The following ARHGAP17 variants were observed in gnomAD, a reference collection of about 807,000 sequenced individuals.
The protein encoded by ARHGAP17 is Rho GTPase activating protein 17.
ARHGAP17 carries 57 observed loss-of-function variants against 99.5 expected under a neutral mutation model. The observed-to-expected ratio is 0.57, with a 90% confidence interval of 0.46 to 0.71. ARHGAP17 has a LOEUF of 0.71. Among genes scored for constraint, ARHGAP17 ranks in the 30% least tolerant of loss-of-function variants. The pLI is 0.00. For missense variants in ARHGAP17, 1,000 were observed against 1,122.4 expected (o/e 0.89, Z 1.56); for synonymous variants, 417 against 429.6 (o/e 0.97, Z 0.36).
chr16:24,931,088 G>T lies in ARHGAP17; in HGVS notation c.2211C>A (p.Asn737Lys), dbSNP rs932756445. The T allele has an allele frequency of 6.2e-7, 1 of 1,606,502 alleles. No individual in the cohort carries two copies. Among genetic ancestry groups the T allele is most frequent in the Non-Finnish European group, 8.5e-7 (1 of 1,176,464 alleles). ...CATGCTCACTGGGCAATGCCATGGG[G>T]TTGGGAGGGCCCTGGCTATTGGGTT... ...HTKPNSQGPP[N>K]PMALPSEHGL... Residue 737 changes from asparagine to lysine, a missense_variant, in exon 19 of 20, where the codon AAC becomes AAA. By Grantham distance (94) the Asn-to-Lys change is moderately conservative. Around this residue, in one of 2 missense-constraint regions of ARHGAP17, gnomAD observed 528 missense variants for 511.4 expected, o/e 1.03. Coordinates refer to ENST00000289968, the MANE Select transcript of ARHGAP17 (RefSeq NM_001006634.3).
chr16:25,003,213 G>A, intron 1 of ARHGAP17, among the ~76,000 whole-genome samples: 1 of 144,900 alleles, frequency 6.9e-6, no homozygotes, highest in Non-Finnish European at 1.5e-5. Flanking sequence ...TAAAACAAGA[G>A]TATGCTAGCT....
intron 19 of ARHGAP17, among the ~76,000 whole-genome samples, chr16:24,929,886 A>C (rs1597360575): frequency 1.3e-5 from 2 of 152,200 alleles, no homozygotes; most frequent in African/African-American, 4.8e-5. Context: ...ATATGGTTGG[A>C]AAGCCCAGAG....
chr16:24,979,003 G>C lies in ARHGAP17; in HGVS notation c.56C>G (p.Ala19Gly). 1.9e-6 allele frequency: 3 copies of C among 1,584,582 alleles called. No homozygotes were observed. Among genetic ancestry groups the C allele is most frequent in the Non-Finnish European group, 2.6e-6 (3 of 1,168,392 alleles). Residue 19 changes from alanine to glycine, a missense_variant and splice_region_variant, in exon 2 of 20, where the codon GCT becomes GGT. Coordinates refer to ENST00000289968, the MANE Select transcript of ARHGAP17 (RefSeq NM_001006634.3). ...TTCACTAAGGACTTCTGTTTTCTCA[G>C]CTCTGTGGGAAAAATTAAAAATTCA... ...KQLANQTVGR[A>G]EKTEVLSEDL...
Position 24,931,172 on chromosome 16 carries a change from T to G in ARHGAP17, c.2127A>C (p.Gln709His). Residue 709 changes from glutamine to histidine, a missense_variant, in exon 19 of 20, where the codon CAA becomes CAC. Around this residue, in one of 2 missense-constraint regions of ARHGAP17, gnomAD observed 528 missense variants for 511.4 expected, o/e 1.03. Transcript: ENST00000289968. ...GCTGCGGCGGTGGGTGATTGGGAGC[T>G]TGGATTGGAGACAAGCTGCTGGAGT... Reference protein sequence around the residue: ...RRYSSSLSPIQAPNHPPPQPP... With the variant: ...RRYSSSLSPIHAPNHPPPQPP... 1.3e-6 allele frequency: 2 copies of G among 1,593,042 alleles called. No homozygotes were observed. Among genetic ancestry groups the G allele is most frequent in the Admixed American group, 3.5e-5 (2 of 57,668 alleles).
chr16:24,950,100 C>G (rs979001048), intron 12 of ARHGAP17, among the ~76,000 whole-genome samples: 1 of 152,114 alleles, frequency 6.6e-6, no homozygotes, highest in African/African-American at 2.4e-5. Context: ...GTTAAAGGGG[C>G]CTCTATAACA....
At chr16:24,941,733 G>A in intron 16 of ARHGAP17, 1 of 501,922 alleles carries the variant, frequency 2.0e-6, no homozygotes, top group African/African-American at 1.9e-5. Flanking sequence ...TCCACTGCAG[G>A]GCTTACCAAG....
rs181369624 is a variant in ARHGAP17 at position 24,928,295 on chromosome 16, T to G, written c.2515+2489A>C. ...GTTAATTCTGTAATACAAAGATAAC[T>G]CTGGTAACCTGGAATTTCTTGAGTT... On this transcript the variant is annotated intron_variant, in intron 19 of 19. Coordinates refer to ENST00000289968, the MANE Select transcript of ARHGAP17 (RefSeq NM_001006634.3). 3.2e-3 allele frequency among the ~76,000 whole-genome samples: 483 copies of G among 152,320 alleles called. 3 individuals carry two copies. The highest frequency in any genetic ancestry group is 0.011 in the African/African-American group (463 of 41,582).
chr16:24,930,862 G>C lies in ARHGAP17; in HGVS notation c.2437C>G (p.Pro813Ala), dbSNP rs142721491. 49 of 1,613,970 alleles carry C rather than the reference G, an allele frequency of 3.0e-5. No homozygotes were observed. Among genetic ancestry groups the C allele is most frequent in the African/African-American group, 5.3e-5 (4 of 74,892 alleles). Residue 813 changes from proline (P) to alanine (A), a missense_variant, in exon 19 of 20, where the codon CCC (proline) becomes GCC (alanine). By Grantham distance (27) the Pro-to-Ala change is conservative. Transcript: ENST00000289968. ...GCTGAGTGGACACCAGGAGGTTGGGGGGGTGGGGGCACGCTGGGCCGGTTC... is the reference window on the plus strand; with the variant it reads ...GCTGAGTGGACACCAGGAGGTTGGGCGGGTGGGGGCACGCTGGGCCGGTTC... Reference protein sequence around the residue: ...PRNRPSVPPPPQPPGVHSAGD... With the variant: ...PRNRPSVPPPAQPPGVHSAGD...
rs1459483595 is a variant in ARHGAP17, at chr16:24,931,243, G to T, written c.2056C>A (p.Pro686Thr). The T allele has an allele frequency of 1.9e-6, 3 of 1,545,516 alleles. No homozygotes were observed. The South Asian group carries it at 3.7e-5, about 19-fold the overall frequency. ...SPPTQHTGQP[P>T]GQPSAPSQLS... ...TGGGAGGGGGCGGAGGGCTGGCCTG[G>T]AGGCTGGCCCGTGTGCTGGGTGGGA... The change falls in exon 19 of 20, where the codon CCA (proline) becomes ACA (threonine). Residue 686 changes from proline (P) to threonine (T), a missense_variant. By Grantham distance (38) the Pro-to-Thr change is conservative (BLOSUM62 -1). Around this residue, in one of 2 missense-constraint regions of ARHGAP17, gnomAD observed 528 missense variants for 511.4 expected, o/e 1.03. Transcript: ENST00000289968.
intron 14 of ARHGAP17, among the ~76,000 whole-genome samples, chr16:24,947,249 G>A (rs1047795091): frequency 1.1e-4 from 16 of 151,406 alleles, no homozygotes; most frequent in African/African-American, 3.9e-4. Context: ...GACTGCCTAA[G>A]AGCAGGGGCA....
Position 24,964,479 on chromosome 16 carries a change from G to T in ARHGAP17, c.462-171C>A, listed in dbSNP as rs2052112557. The stretch of plus-strand genomic sequence containing the variant: ...GCTTATTCTCTAAGAATGGAAGCAG[G>T]CAAAAGGAGACTTTAGCTTCTCACC... On this transcript the variant is annotated intron_variant, in intron 6 of 19. Transcript: ENST00000289968. 2.0e-5 allele frequency among the ~76,000 whole-genome samples: 3 copies of T among 152,340 alleles called. No individual in the cohort carries two copies. In the South Asian group the frequency reaches 6.2e-4, roughly 32 times the overall value.
chr16:24,935,702 G>T, intron 17 of ARHGAP17, 63 bp from the exon 18 acceptor site: 1 of 1,529,144 alleles, frequency 6.5e-7, no homozygotes. Context: ...TGAACATACT[G>T]CACATAAAAC....
intron 17 of ARHGAP17, among the ~76,000 whole-genome samples, chr16:24,937,791 G>C (rs1477735936): frequency 6.6e-6 from 1 of 152,262 alleles, no homozygotes; most frequent in Non-Finnish European, 1.5e-5. Context: ...TGAGAAAGGA[G>C]TTCTTTCAAG....
At chr16:25,013,139 T>C (rs1327914979) in intron 1 of ARHGAP17, among the ~76,000 whole-genome samples, 1 of 152,184 alleles carries the variant, frequency 6.6e-6, no homozygotes, top group Non-Finnish European at 1.5e-5. Flanking sequence ...GCATCCAATC[T>C]ATGCTGTAGC....
At chr16:24,926,700 G>C (rs748383233) in intron 19 of ARHGAP17, among the ~76,000 whole-genome samples, 1 of 152,264 alleles carries the variant, frequency 6.6e-6, no homozygotes, top group Non-Finnish European at 1.5e-5. Flanking sequence ...CTGTGGTACA[G>C]TGGACTAACG....
At chr16:24,938,765 C>T (rs72770488) in intron 17 of ARHGAP17, among the ~76,000 whole-genome samples, 9,093 of 137,394 alleles carry the variant, frequency 0.066, 352 homozygotes, top group Middle Eastern at 0.15. Context: ...GAGCAAGACG[C>T]AGTCTCAGAA....
In ARHGAP17 at chr16:24,935,571, G is replaced by A. The variant is rs762917087; in HGVS notation, c.1793C>T (p.Ala598Val). 11 of 1,614,018 alleles carry A rather than the reference G, an allele frequency of 6.8e-6. No homozygotes were observed. In the African/African-American group the frequency reaches 1.3e-4, roughly 20 times the overall value. ...TGCCTGGGGCTGATTTTGGCCAGAT[G>A]CTATCTGACTGTTGTTTCTCCCTGG... ...PAPGRNNSQIASGQNQPQAAA... is the reference protein window; with the variant it reads ...PAPGRNNSQIVSGQNQPQAAA... The change falls in exon 18 of 20, where the codon GCA becomes GTA. Residue 598 changes from alanine to valine, a missense_variant. Around this residue, in one of 2 missense-constraint regions of ARHGAP17, gnomAD observed 528 missense variants for 511.4 expected, o/e 1.03. Transcript: ENST00000289968.
Position 24,935,540 on chromosome 16 carries a change from A to C in ARHGAP17, c.1824T>G (p.Ala608=), listed in dbSNP as rs147443907. Residue 608 remains alanine (A), a synonymous_variant, in exon 18 of 20, where the codon GCT becomes GCG. Transcript: ENST00000289968. ...ASGQNQPQAA[A]GSHQLSMGQP... ...GGCCCATGGAGAGCTGGTGGGAGCC[A>C]GCAGCTGCCTGGGGCTGATTTTGGC... 70 of 1,613,770 alleles carry C rather than the reference A, an allele frequency of 4.3e-5. No homozygotes were observed. The highest frequency in any genetic ancestry group is 3.3e-5 in the Admixed American group (2 of 59,982).
chr16:25,014,864 G>T (rs1358424252), intron 1 of ARHGAP17, among the ~76,000 whole-genome samples: 1 of 152,232 alleles, frequency 6.6e-6, no homozygotes, highest in African/African-American at 2.4e-5. Context: ...ATCCCAGCTG[G>T]CTCGGCCCCC....
Sources: gnomAD v4.1 joint callset for allele counts (sites outside exome capture counted in the v4.1 genomes callset) on GRCh38, gnomAD v4.1.1 for gene constraint, gnomAD v4.1.1 regional missense constraint, MANE v1.5 for transcripts, NCBI Gene and HGNC (gene_info 2026-07-23, HGNC 2026-07-21) for gene names.